Variants in SMG7 observed in about 807,000 individuals in gnomAD.
SMG7 encodes the protein SMG7 nonsense mediated mRNA decay factor.
In SMG7, 34 loss-of-function variants were observed where a neutral mutation model predicts 148.2. The ratio of observed to expected loss-of-function variants is 0.23; its 90% CI spans 0.17 to 0.31. SMG7 has a LOEUF of 0.31. Ranked by LOEUF, SMG7 falls within the 10% of genes least tolerant of loss-of-function variation. The pLI is 1.00. For missense variants in SMG7, 1,114 were observed against 1,408.4 expected (o/e 0.79, Z 3.35); for synonymous variants, 492 against 515.1 (o/e 0.96, Z 0.61).
At chr1:183,494,028 C>G (rs2102238175) in intron 1 of SMG7, among the ~76,000 whole-genome samples, 1 of 152,142 alleles carries the variant, frequency 6.6e-6, no homozygotes, top group Non-Finnish European at 1.5e-5. Flanking sequence ...TGCTCTGTTG[C>G]CCAGGCTGCA....
chr1:183,530,068 G>A (rs753985904), intron 8 of SMG7, among the ~76,000 whole-genome samples: 1 of 152,124 alleles, frequency 6.6e-6, no homozygotes, highest in Non-Finnish European at 1.5e-5. Context: ...GATATTAGCA[G>A]TTTAAATGTA....
intron 21 of SMG7, 60 bp downstream of exon 21, chr1:183,550,981 G>C: frequency 6.2e-7 from 1 of 1,613,230 alleles, no homozygotes; most frequent in Non-Finnish European, 8.5e-7. Flanking sequence ...CCTTCCCTGG[G>C]GTCTGGCAAT....
intron 1 of SMG7, among the ~76,000 whole-genome samples, chr1:183,510,583 G>C (rs1203966194): frequency 1.3e-5 from 2 of 152,064 alleles, no homozygotes; most frequent in Non-Finnish European, 2.9e-5. Context: ...GCACTACATT[G>C]AGATTCTGTT....
chr1:183,504,328 T>TATTG (rs1660416568), intron 1 of SMG7, among the ~76,000 whole-genome samples: 1 of 150,774 alleles, frequency 6.6e-6, no homozygotes, highest in South Asian at 2.1e-4. Context: ...TATCTTGATT[T>TATTG]ATTTATTTAT....
Position 183,544,432 on chromosome 1 carries a change from C to G in SMG7, c.1922C>G (p.Ala641Gly), listed in dbSNP as rs199782003. ...KTPVTQTPTQ[A>G]SNSQFIPIHH... ...CCTGTAACTCAAACCCCAACTCAAG[C>G]AAGTAACTCCCAGTTCATCCCCATT... is the stretch of plus-strand genomic sequence containing the variant. The change falls in exon 15 of 23, where the codon GCA becomes GGA. Residue 641 changes from alanine (A) to glycine (G), a missense_variant. Coordinates refer to ENST00000688051, the MANE Select transcript of SMG7 (RefSeq NM_001375584.1). The G allele has an allele frequency of 1.9e-6, 3 of 1,613,898 alleles. No homozygotes were observed. In the African/African-American group the frequency reaches 4.0e-5, roughly 22 times the overall value.
intron 11 of SMG7, 71 bp downstream of exon 11, chr1:183,537,286 A>G (rs1558043208): frequency 8.8e-7 from 1 of 1,142,560 alleles, no homozygotes; most frequent in South Asian, 1.3e-5. Flanking sequence ...TGCCAGAGAA[A>G]AAGAGGTTTT....
rs940635797 is a variant in SMG7, at chr1:183,513,196, T to C, written c.61+328T>C. ...ATAACATACCCCATATAAACCAAAA[T>C]ATCTTACAGTGTTAGGCTAATATCT... On this transcript the variant is annotated intron_variant, in intron 2 of 22. Coordinates refer to ENST00000688051, the MANE Select transcript of SMG7 (RefSeq NM_001375584.1). 2.7e-5 allele frequency: 6 copies of C among 218,570 alleles called. No individual in the cohort carries two copies. In the Admixed American group the frequency reaches 3.5e-4, roughly 13 times the overall value. 13.5% of individuals were successfully genotyped at this position (218,570 alleles called of 1,614,324 possible). A position where few individuals can be genotyped will look rare whatever the true frequency, so the allele number is the denominator to read the frequency against.
chr1:183,533,601 AG>A (rs1667234498), intron 9 of SMG7, 74 bp from the exon 10 acceptor site: 1 of 1,242,114 alleles, frequency 8.1e-7, no homozygotes, highest in African/African-American at 1.5e-5. Flanking sequence ...ATATAGTAGA[AG>A]GCACATAATA....
rs189239784 is a variant in SMG7 at position 183,553,167 on chromosome 1, G to A, written c.*1236G>A. On this transcript the variant is annotated 3_prime_UTR_variant, in exon 23 of 23. Coordinates refer to ENST00000688051, the MANE Select transcript of SMG7 (RefSeq NM_001375584.1). ...CAGGCACAGAAGAAAACACGACGTC[G>A]TCCATTTTGGAAGAGACGAAAGAAA... The A allele has an allele frequency of 1.2e-4, 179 of 1,536,424 alleles. No individual in the cohort carries two copies. The African/African-American group carries it at 2.0e-3, about 17-fold the overall frequency.
intron 1 of SMG7, among the ~76,000 whole-genome samples, chr1:183,500,133 A>C (rs1234389015): frequency 6.6e-6 from 1 of 152,064 alleles, no homozygotes; most frequent in Admixed American, 6.6e-5. Flanking sequence ...GGCTTAACCT[A>C]CTTTGCTTGT....
intron 4 of SMG7, chr1:183,518,692 T>A (rs1558010840): frequency 6.6e-6 from 1 of 152,218 alleles, no homozygotes; most frequent in Non-Finnish European, 1.5e-5. Context: ...GGTAAGAGAA[T>A]AAATAAATCT....
At chr1:183,532,862 A>G (rs1667107731) in intron 8 of SMG7, among the ~76,000 whole-genome samples, 1 of 152,218 alleles carries the variant, frequency 6.6e-6, no homozygotes, top group African/African-American at 2.4e-5. Context: ...TTTATGGATG[A>G]ACACTCAAAG....
At chr1:183,478,238 T>C (rs574166698) in intron 1 of SMG7, among the ~76,000 whole-genome samples, 5 of 152,266 alleles carry the variant, frequency 3.3e-5, no homozygotes, top group African/African-American at 1.2e-4. Flanking sequence ...TTTTAGTCCA[T>C]GTGGTCCACG....
chr1:183,528,919 T>C lies in SMG7; in HGVS notation c.584T>C (p.Leu195Ser). 6.2e-7 allele frequency: 1 copy of C among 1,613,444 alleles called. No homozygotes were observed. The highest frequency in any genetic ancestry group is 8.5e-7 in the Non-Finnish European group (1 of 1,179,562). The change falls in exon 7 of 23, where the codon TTA becomes TCA. Residue 195 changes from leucine to serine, a missense_variant. Transcript: ENST00000688051. ...NGQPYNQLAI[L>S]ASSKGDHLTT... ...CAGCCTTATAATCAGTTGGCTATCT[T>C]AGCTTCTTCCAAAGGAGACCATCTG... is the stretch of plus-strand genomic sequence containing the variant.
intron 3 of SMG7, 108 bp from the exon 4 acceptor site, chr1:183,517,580 G>C (rs756155787): frequency 2.9e-6 from 3 of 1,026,178 alleles, no homozygotes; most frequent in Non-Finnish European, 4.6e-6. Context: ...CAGGTTTACT[G>C]TCTCGTGTGG....
intron 1 of SMG7, among the ~76,000 whole-genome samples, chr1:183,483,677 A>G (rs1034702016): frequency 2.0e-5 from 3 of 152,168 alleles, no homozygotes; most frequent in African/African-American, 7.2e-5. Flanking sequence ...ATGAAATCAT[A>G]TTCCTCAATT....
At chr1:183,484,846 T>C (rs560185590) in intron 1 of SMG7, among the ~76,000 whole-genome samples, 2 of 152,308 alleles carry the variant, frequency 1.3e-5, no homozygotes, top group African/African-American at 2.4e-5. Flanking sequence ...AGGCTTATTA[T>C]ACTCTTAGAC....
At position 183,552,233 on chromosome 1, in the gene SMG7, C is replaced by T. The variant is rs1671189659; in HGVS notation, c.*302C>T. 2.9e-6 allele frequency: 3 copies of T among 1,048,956 alleles called. No homozygotes were observed. Among genetic ancestry groups the T allele is most frequent in the Non-Finnish European group, 3.4e-6 (3 of 871,268 alleles). 65.0% of individuals were successfully genotyped at this position (1,048,956 alleles called of 1,614,324 possible). ...CTCTCACCTTCTCCATCGTGCATGT[C>T]CCCAGCCACATGGGAAGTGAAAGCT... On this transcript the variant is annotated 3_prime_UTR_variant, in exon 23 of 23. Transcript: ENST00000688051.
intron 20 of SMG7, 100 bp from the exon 21 acceptor site, chr1:183,550,649 TTG>T: frequency 2.6e-6 from 3 of 1,137,804 alleles, no homozygotes; most frequent in Non-Finnish European, 3.9e-6. Flanking sequence ...CCTGTGGTTA[TTG>T]TTAGTAGAAT....
Sources: gnomAD v4.1 joint callset for allele counts (sites outside exome capture counted in the v4.1 genomes callset) on GRCh38, gnomAD v4.1.1 for gene constraint, MANE v1.5 for transcripts, NCBI Gene and HGNC (gene_info 2026-07-23, HGNC 2026-07-21) for gene names.